The following NUP58 variants were observed in gnomAD, a reference collection of about 807,000 sequenced individuals.
The protein encoded by NUP58 is nucleoporin 58, also known as nucleoporin p58/p45.
Under a neutral mutation model 70.1 loss-of-function variants are expected in NUP58, and 17 were observed. The observed-to-expected ratio is 0.24, with a 90% CI of 0.17 to 0.36. The LOEUF (loss-of-function observed/expected upper bound fraction) is 0.36. Among genes scored for constraint, NUP58 ranks in the 10% least tolerant of loss-of-function variants. The probability of loss-of-function intolerance (pLI) is 1.00; values close to 1 mark genes in which losing one functional copy is unlikely to be tolerated. For missense variants in NUP58, 644 were observed against 701.5 expected (o/e 0.92, Z 0.93); for synonymous variants, 275 against 257.6 (o/e 1.07, Z -0.65).
intron 1 of NUP58, chr13:25,302,855 T>A (rs1349661202): frequency 9.5e-6 from 4 of 419,854 alleles, no homozygotes; most frequent in Non-Finnish European, 1.9e-5. Context: ...CCTCCGTTAT[T>A]CTTACTCTAC....
At chr13:25,327,606 G>T in intron 12 of NUP58, 94 bp downstream of exon 12, 1 of 704,390 alleles carries the variant, frequency 1.4e-6, no homozygotes, top group Non-Finnish European at 2.4e-6. Flanking sequence ...TACAGAAATA[G>T]CTAAAATTAC....
At chr13:25,329,460 A>G (rs1186598476) in intron 12 of NUP58, among the ~76,000 whole-genome samples, 1 of 152,206 alleles carries the variant, frequency 6.6e-6, no homozygotes, top group Admixed American at 6.5e-5. Flanking sequence ...CCAAGACCAC[A>G]TAAAACTGCC....
At chr13:25,329,801 A>C (rs1030994959) in intron 12 of NUP58, among the ~76,000 whole-genome samples, 2 of 152,024 alleles carry the variant, frequency 1.3e-5, no homozygotes, top group African/African-American at 4.8e-5. Flanking sequence ...GCTGATGTCA[A>C]GGTTTTTGTT....
intron 10 of NUP58, 134 bp downstream of exon 10, chr13:25,325,202 A>G (rs1452151971): frequency 1.6e-6 from 1 of 619,680 alleles, no homozygotes; most frequent in Non-Finnish European, 2.8e-6. Context: ...CATGGATTTT[A>G]AATTTCATAA....
In NUP58 at chr13:25,335,029, G is replaced by A. The variant is rs1266693070; in HGVS notation, c.1436-1907G>A. ...TTCTAATAGTGAAACTAATATATAT[G>A]GTGGCCAGAGTGTAATATATGCTAA... is the stretch of plus-strand genomic sequence containing the variant. On this transcript the variant is annotated intron_variant, in intron 13 of 15. Transcript: ENST00000381736. 1.5e-5 allele frequency: 15 copies of A among 985,040 alleles called. No individual in the cohort carries two copies. The East Asian group carries it at 1.0e-3, about 67-fold the overall frequency. The allele number at this position is 985,040 out of a possible 1,614,324, so 61.0% of individuals were successfully genotyped here. A position where few individuals can be genotyped will look rare whatever the true frequency, so the allele number is the denominator to read the frequency against.
chr13:25,339,136 C>T (rs565821446), intron 15 of NUP58, among the ~76,000 whole-genome samples: 67 of 152,230 alleles, frequency 4.4e-4, no homozygotes, highest in South Asian at 8.3e-4. Context: ...TTTAAGAATA[C>T]CACAGTCTTA....
chr13:25,301,848 C>T lies in NUP58; in HGVS notation c.75C>T (p.Gly25=), dbSNP rs748101549. The T allele has an allele frequency of 2.5e-6, 4 of 1,613,450 alleles. No individual in the cohort carries two copies. Among genetic ancestry groups the T allele is most frequent in the East Asian group, 2.2e-5 (1 of 44,836 alleles). Residue 25 remains glycine, a synonymous_variant, in exon 1 of 16, where the codon GGC becomes GGT. Coordinates refer to ENST00000381736, the MANE Select transcript of NUP58 (RefSeq NM_014089.4). ...TGGCCGCCGGCGGGACCAGCACAGG[C>T]GGCGTTTTCTCCTTCGGAACGGGAG... The part of the protein sequence containing the change: ...TTVAAGGTST[G]GVFSFGTGAS...
rs2030881199 is a variant in NUP58, at chr13:25,315,411, C to T, written c.629C>T (p.Thr210Ile). The change falls in exon 6 of 16, where the codon ACT becomes ATT. Residue 210 changes from threonine to isoleucine, a missense_variant. By Grantham distance (89) the Thr-to-Ile change is moderately conservative. Coordinates refer to ENST00000381736, the MANE Select transcript of NUP58 (RefSeq NM_014089.4). ...TTGGGAACTACAGCAGCTACTTCAA[C>T]TGCAGGCAATGAAGGCCTTGGTGGT... ...LTLGTTAATS[T>I]AGNEGLGGID... The T allele has an allele frequency of 1.2e-6, 2 of 1,613,982 alleles. No individual in the cohort carries two copies. Among genetic ancestry groups the T allele is most frequent in the Non-Finnish European group, 1.7e-6 (2 of 1,179,894 alleles).
At chr13:25,336,726 A>G (rs1477779577) in intron 13 of NUP58, among the ~76,000 whole-genome samples, 1 of 152,116 alleles carries the variant, frequency 6.6e-6, no homozygotes, top group Non-Finnish European at 1.5e-5. Context: ...ATTTTTTTAA[A>G]ATCTTTTTTT....
rs369037321 is a variant in NUP58, at chr13:25,308,171, TTAA to T, written c.250+225_250+227del. On this transcript the variant is annotated intron_variant, in intron 2 of 15. Transcript: ENST00000381736. ...TATAACGAAGGAAAACATACAAATA[TTAA>T]TTTAAATTTTTGGATTATATAATGT... 4.1e-4 allele frequency: 163 copies of T among 397,056 alleles called. 1 individual carries two copies. Among genetic ancestry groups the T allele is most frequent in the South Asian group, 3.7e-3 (44 of 11,742 alleles). The allele number at this position is 397,056 out of a possible 1,614,324, so 24.6% of individuals were successfully genotyped here. A position where few individuals can be genotyped will look rare whatever the true frequency, so the allele number is the denominator to read the frequency against.
intron 2 of NUP58, among the ~76,000 whole-genome samples, chr13:25,308,429 A>G (rs1453094716): frequency 1.3e-5 from 2 of 150,508 alleles, no homozygotes; most frequent in Non-Finnish European, 2.9e-5. Flanking sequence ...CAGCCTCCTG[A>G]GTAGATGGGA....
chr13:25,303,964 A>G (rs995982374), intron 1 of NUP58, among the ~76,000 whole-genome samples: 5 of 152,172 alleles, frequency 3.3e-5, no homozygotes, highest in Non-Finnish European at 7.4e-5. Context: ...GTCCGACATA[A>G]ATTTGTTAGA....
intron 14 of NUP58, 21 bp downstream of exon 14, chr13:25,337,055 T>C (rs1294834040): frequency 1.3e-6 from 2 of 1,512,290 alleles, no homozygotes; most frequent in Non-Finnish European, 1.8e-6. Context: ...ACTTTTCTAA[T>C]ATTTCATTGA....
At chr13:25,336,912 A>ATTTTT in intron 13 of NUP58, 24 bp from the exon 14 acceptor site, 18 of 1,256,566 alleles carry the variant, frequency 1.4e-5, no homozygotes, top group Admixed American at 5.6e-5. Context: ...TTTCCCCCCC[A>ATTTTT]TTTTTTTTTT....
chr13:25,323,890 T>G (rs2031287961), intron 9 of NUP58, among the ~76,000 whole-genome samples: 1 of 152,154 alleles, frequency 6.6e-6, no homozygotes, highest in South Asian at 2.1e-4. Flanking sequence ...GGGAGAGAGT[T>G]AAATCCATCA....
intron 8 of NUP58, 45 bp downstream of exon 8, chr13:25,320,640 A>G: frequency 7.3e-7 from 1 of 1,375,810 alleles, no homozygotes; most frequent in Non-Finnish European, 1.0e-6. Context: ...GAAGAATTCT[A>G]GAATACTTCT....
At chr13:25,342,799 A>G (rs1166864371), downstream of NUP58, among the ~76,000 whole-genome samples, 1 of 151,778 alleles carries the variant, frequency 6.6e-6, no homozygotes, top group Non-Finnish European at 1.5e-5. Context: ...ATTCTCTCTG[A>G]TTTTTTATCA....
intron 15 of NUP58, 140 bp downstream of exon 15, chr13:25,338,871 C>CCTG: frequency 1.8e-6 from 1 of 562,342 alleles, no homozygotes; most frequent in Non-Finnish European, 3.1e-6. Context: ...GTGTGCAAGC[C>CCTG]TAACTAATCA....
At chr13:25,303,886 T>C (rs903360288) in intron 1 of NUP58, among the ~76,000 whole-genome samples, 1 of 152,162 alleles carries the variant, frequency 6.6e-6, no homozygotes, top group African/African-American at 2.4e-5. Flanking sequence ...AATGAGTTAT[T>C]AGTAATAAGC....
Sources: gnomAD v4.1 joint callset for allele counts (sites outside exome capture counted in the v4.1 genomes callset) on GRCh38, gnomAD v4.1.1 for gene constraint, MANE v1.5 for transcripts, NCBI Gene and HGNC (gene_info 2026-07-23, HGNC 2026-07-21) for gene names.